The following VPS13B variants were observed in gnomAD, a reference collection of about 807,000 sequenced individuals.
VPS13B encodes vacuolar protein sorting 13 homolog B.
Under a neutral mutation model 426.4 loss-of-function variants are expected in VPS13B, and 285 were observed. The observed-to-expected ratio is 0.67, with a 90% CI of 0.61 to 0.74. The LOEUF (loss-of-function observed/expected upper bound fraction) is 0.74. Ranked by LOEUF, VPS13B falls within the 30% of genes least tolerant of loss-of-function variation. The pLI is 0.00. For synonymous variants in VPS13B, 1,676 were observed against 1,676.4 expected (o/e 1.00, Z 0.01); for missense variants, 4,537 against 4,782.6 (o/e 0.95, Z 1.51).
chr8:99,870,915 T>A (rs1416560806), intron 60 of VPS13B, 28 bp downstream of exon 60: 6 of 1,601,242 alleles, frequency 3.7e-6, no homozygotes, highest in Non-Finnish European at 5.1e-6. Context: ...CGTGCTCAAC[T>A]TTACATCCAT....
intron 17 of VPS13B, among the ~76,000 whole-genome samples, chr8:99,252,763 T>C (rs1457732247): frequency 6.6e-6 from 1 of 152,064 alleles, no homozygotes; most frequent in Non-Finnish European, 1.5e-5. Context: ...CTCTTATAAT[T>C]TTTTTCCTCT....
At chr8:99,572,882 T>A (rs1473678926) in intron 31 of VPS13B, among the ~76,000 whole-genome samples, 3 of 152,192 alleles carry the variant, frequency 2.0e-5, no homozygotes, top group African/African-American at 7.2e-5. Flanking sequence ...CGCCACACTG[T>A]CTTCCACAAT....
intron 47 of VPS13B, 78 bp downstream of exon 47, chr8:99,818,966 C>CGGGG: frequency 1.5e-4 from 14 of 93,684 alleles, no homozygotes; most frequent in Admixed American, 3.4e-4. Context: ...CACTGGGGGG[C>CGGGG]GGCGGGGGAG....
chr8:99,745,971 T>A (rs891998272), intron 39 of VPS13B, among the ~76,000 whole-genome samples: 1 of 152,094 alleles, frequency 6.6e-6, no homozygotes, highest in African/African-American at 2.4e-5. Flanking sequence ...TGAATAAGGA[T>A]CCCGCTGAGG....
intron 21 of VPS13B, among the ~76,000 whole-genome samples, chr8:99,426,060 C>G (rs1302005745): frequency 7.9e-6 from 1 of 126,430 alleles, no homozygotes; most frequent in African/African-American, 3.0e-5. Flanking sequence ...ATCCCTCCCC[C>G]CCTCCCCCCA....
chr8:99,392,713 G>C (rs1026833750), intron 21 of VPS13B, among the ~76,000 whole-genome samples: 1 of 151,970 alleles, frequency 6.6e-6, no homozygotes, highest in Non-Finnish European at 1.5e-5. Context: ...AAATAAATTT[G>C]TTTATGGTAT....
chr8:99,135,407 G>C (rs1810023687), intron 10 of VPS13B, among the ~76,000 whole-genome samples, 189 bp from the exon 11 acceptor site: 2 of 151,990 alleles, frequency 1.3e-5, no homozygotes, highest in Admixed American at 6.6e-5. Context: ...GTTATTTGGA[G>C]TTTCCTTTTG....
At chr8:99,181,840 G>A (rs948458928) in intron 16 of VPS13B, among the ~76,000 whole-genome samples, 2 of 152,020 alleles carry the variant, frequency 1.3e-5, no homozygotes, top group East Asian at 3.9e-4. Flanking sequence ...CTATAAAGCA[G>A]TTAAGAAAAT....
chr8:99,462,907 C>G (rs561791523), intron 23 of VPS13B, among the ~76,000 whole-genome samples: 1 of 152,280 alleles, frequency 6.6e-6, no homozygotes, highest in East Asian at 1.9e-4. Flanking sequence ...GGAACCAGAT[C>G]TGCCAGCACC....
intron 33 of VPS13B, among the ~76,000 whole-genome samples, chr8:99,583,967 G>T (rs934577322): frequency 6.6e-6 from 1 of 152,104 alleles, no homozygotes; most frequent in Non-Finnish European, 1.5e-5. Context: ...TGGACGATAT[G>T]CATAGGGTGA....
chr8:99,546,241 A>G (rs976929514), intron 30 of VPS13B, among the ~76,000 whole-genome samples: 1 of 151,908 alleles, frequency 6.6e-6, no homozygotes, highest in Non-Finnish European at 1.5e-5. Flanking sequence ...GATTTGTTAT[A>G]TACCACATCT....
chr8:99,697,809 C>T (rs1384686525), intron 35 of VPS13B: 3 of 609,766 alleles, frequency 4.9e-6, no homozygotes, highest in African/African-American at 1.8e-5. Flanking sequence ...AGGCACATTC[C>T]AGAAAGCAAG....
intron 21 of VPS13B, among the ~76,000 whole-genome samples, chr8:99,407,427 G>A (rs906437076): frequency 2.6e-5 from 4 of 151,992 alleles, no homozygotes; most frequent in African/African-American, 4.8e-5. Context: ...ATTATTGTAC[G>A]TTCTACATTA....
intron 29 of VPS13B, among the ~76,000 whole-genome samples, chr8:99,520,584 A>G (rs1440771302): frequency 6.6e-6 from 1 of 152,080 alleles, no homozygotes; most frequent in Non-Finnish European, 1.5e-5. Context: ...TTGTGAAGTT[A>G]GATAAACATT....
chr8:99,437,689 G>A (rs918046710), intron 22 of VPS13B, among the ~76,000 whole-genome samples: 1 of 152,066 alleles, frequency 6.6e-6, no homozygotes, highest in Non-Finnish European at 1.5e-5. Context: ...CTGCACTCCA[G>A]CCTGGGTGAC....
intron 17 of VPS13B, among the ~76,000 whole-genome samples, chr8:99,199,414 G>A (rs916299327): frequency 6.6e-6 from 1 of 151,574 alleles, no homozygotes; most frequent in African/African-American, 2.4e-5. Flanking sequence ...CTCGTGATCC[G>A]TCTGCCTCGG....
intron 4 of VPS13B, among the ~76,000 whole-genome samples, chr8:99,099,434 G>C (rs977893066): frequency 6.6e-6 from 1 of 152,150 alleles, no homozygotes; most frequent in Non-Finnish European, 1.5e-5. Flanking sequence ...TGGCTTCCCA[G>C]TGACCACATC....
At chr8:99,627,236 A>G (rs1213546226) in intron 33 of VPS13B, among the ~76,000 whole-genome samples, 1 of 152,106 alleles carries the variant, frequency 6.6e-6, no homozygotes, top group East Asian at 1.9e-4. Context: ...AATGTATTAT[A>G]TATTTCAAAA....
intron 23 of VPS13B, among the ~76,000 whole-genome samples, chr8:99,458,383 TG>T (rs199528966): frequency 0.28 from 42,276 of 151,982 alleles, 7,060 homozygotes; most frequent in East Asian, 0.44. Context: ...AACATACGTG[TG>T]GCCTGTGTCT....
Sources: gnomAD v4.1 joint callset for allele counts (sites outside exome capture counted in the v4.1 genomes callset) on GRCh38, gnomAD v4.1.1 for gene constraint, MANE v1.5 for transcripts, NCBI Gene and HGNC (gene_info 2026-07-23, HGNC 2026-07-21) for gene names.